RANBP2: variants seen among roughly 807,000 people sequenced by gnomAD.
RANBP2 encodes E3 SUMO-protein ligase RanBP2.
A neutral mutation model predicts 303.6 loss-of-function variants in RANBP2; 57 were observed. That is an observed-to-expected ratio of 0.19 (90% CI 0.15 to 0.23). RANBP2 has a LOEUF of 0.23. Among genes scored for constraint, RANBP2 ranks in the 10% least tolerant of loss-of-function variants. The pLI, the probability that RANBP2 is intolerant of heterozygous loss-of-function variation, is 1.00. For synonymous variants in RANBP2, 1,167 were observed against 1,301.5 expected (o/e 0.90, Z 2.23); for missense variants, 3,138 against 3,780.8 (o/e 0.83, Z 4.46).
At chr2:109,708,486 C>T in the RANBP2 span, among the ~76,000 whole-genome samples, 2 of 151,952 alleles carry the variant, frequency 1.3e-5, no homozygotes, top group Non-Finnish European at 2.9e-5. Context: ...GGCGAAACCC[C>T]ATCTCTACAA....
the RANBP2 span, among the ~76,000 whole-genome samples, chr2:109,144,309 T>A: frequency 1.3e-5 from 2 of 152,228 alleles, no homozygotes; most frequent in Non-Finnish European, 2.9e-5. Flanking sequence ...TTTTTATTTG[T>A]CTGTTATACC....
the RANBP2 span, among the ~76,000 whole-genome samples, chr2:109,676,979 T>C: frequency 6.6e-6 from 1 of 152,164 alleles, no homozygotes; most frequent in Non-Finnish European, 1.5e-5. Context: ...GAAGCTGGAA[T>C]GTCATGTCTG....
chr2:108,917,777 CA>C, the RANBP2 span, among the ~76,000 whole-genome samples: 3 of 152,082 alleles, frequency 2.0e-5, no homozygotes, highest in Non-Finnish European at 4.4e-5. Flanking sequence ...ATATAACCCA[CA>C]AGAACAGGTG....
chr2:109,291,899 C>T, the RANBP2 span, among the ~76,000 whole-genome samples: 4 of 152,242 alleles, frequency 2.6e-5, no homozygotes, highest in Non-Finnish European at 5.9e-5. Flanking sequence ...GAGTCTCGCT[C>T]TGTTGCCAGG....
the RANBP2 span, among the ~76,000 whole-genome samples, chr2:109,173,225 A>C: frequency 6.6e-6 from 1 of 152,314 alleles, no homozygotes; most frequent in East Asian, 1.9e-4. Context: ...TTCTGTAATT[A>C]TCAAGTTGAA....
chr2:108,794,653 C>T, the RANBP2 span: 34 of 1,613,858 alleles, frequency 2.1e-5, no homozygotes, highest in Middle Eastern at 1.6e-4. Context: ...ATCAGACAAG[C>T]GGAGTTTACT....
Position 108,733,359 on chromosome 2 carries a change from G to A in RANBP2, c.405+1885G>A, listed in dbSNP as rs981530978. 4.3e-5 allele frequency among the ~76,000 whole-genome samples: 6 copies of A among 140,988 alleles called. 1 individual carries two copies. Among genetic ancestry groups the A allele is most frequent in the Non-Finnish European group, 7.6e-5 (5 of 66,016 alleles). The allele number at this position is 140,988 out of a possible 152,430, so 92.5% of individuals were successfully genotyped here. ...CGGCTCACTGCAACTTCTGCCTCCC[G>A]GGTTCTCAGGTGATCCACCCACTTC... On this transcript the variant is annotated intron_variant, in intron 4 of 28. Coordinates refer to ENST00000283195, the MANE Select transcript of RANBP2 (RefSeq NM_006267.5).
chr2:109,500,482 A>C, the RANBP2 span, among the ~76,000 whole-genome samples: 1 of 152,148 alleles, frequency 6.6e-6, no homozygotes, highest in South Asian at 2.1e-4. Context: ...ACTACAGCAT[A>C]TTGGTCTGAA....
At chr2:109,422,555 G>A in the RANBP2 span, among the ~76,000 whole-genome samples, 4 of 152,200 alleles carry the variant, frequency 2.6e-5, no homozygotes, top group African/African-American at 9.6e-5. Context: ...GGAGGCGACT[G>A]TGAGTCTGCA....
chr2:108,807,174 T>C, the RANBP2 span, among the ~76,000 whole-genome samples: 4 of 152,144 alleles, frequency 2.6e-5, no homozygotes, highest in African/African-American at 9.7e-5. Context: ...GATCCAGATA[T>C]TGGAATTTAA....
the RANBP2 span, chr2:108,846,709 T>C: frequency 6.4e-7 from 1 of 1,561,910 alleles, no homozygotes; most frequent in African/African-American, 1.4e-5. Context: ...CATGAATAAA[T>C]ATACTAAGAT....
the RANBP2 span, among the ~76,000 whole-genome samples, chr2:109,710,373 T>G: frequency 1.2e-5 from 1 of 83,410 alleles, no homozygotes; most frequent in Non-Finnish European, 2.5e-5. Context: ...CAGAGCGAGA[T>G]TCTATCTCAA....
At chr2:109,255,130 G>A in the RANBP2 span, among the ~76,000 whole-genome samples, 2 of 152,190 alleles carry the variant, frequency 1.3e-5, no homozygotes, top group Admixed American at 1.3e-4. Flanking sequence ...GTTTGTGTGT[G>A]TGTGTCTGTG....
the RANBP2 span, among the ~76,000 whole-genome samples, chr2:108,796,999 T>C: frequency 6.6e-6 from 1 of 152,168 alleles, no homozygotes; most frequent in African/African-American, 2.4e-5. Context: ...AAAGAATAAA[T>C]GTTTGAGGTA....
the RANBP2 span, among the ~76,000 whole-genome samples, chr2:109,063,838 CA>C: frequency 6.6e-6 from 1 of 151,648 alleles, no homozygotes; most frequent in Non-Finnish European, 1.5e-5. Flanking sequence ...GTGTCTTCTG[CA>C]AAGAGATTTT....
chr2:108,942,717 C>T, the RANBP2 span, among the ~76,000 whole-genome samples: 138 of 152,382 alleles, frequency 9.1e-4, no homozygotes, highest in Non-Finnish European at 1.6e-3. Context: ...CCTTTTACCA[C>T]GAAGCCAGCT....
chr2:109,108,141 G>A, the RANBP2 span, among the ~76,000 whole-genome samples: 7 of 152,162 alleles, frequency 4.6e-5, no homozygotes, highest in East Asian at 1.9e-4. Flanking sequence ...TCCTGCCCTC[G>A]GGATCCGCCC....
chr2:109,277,668 C>G, the RANBP2 span, among the ~76,000 whole-genome samples: 1 of 152,304 alleles, frequency 6.6e-6, no homozygotes, highest in East Asian at 1.9e-4. Context: ...GATGTCCTCT[C>G]CCACTCAGGG....
At chr2:109,053,883 G>T in the RANBP2 span, among the ~76,000 whole-genome samples, 2 of 150,742 alleles carry the variant, frequency 1.3e-5, no homozygotes, top group Non-Finnish European at 2.9e-5. Context: ...GCCTGGCACC[G>T]GCTCACAGGC....
Sources: allele counts gnomAD v4.1 joint callset (sites outside exome capture counted in the v4.1 genomes callset), GRCh38; gene constraint gnomAD v4.1.1; transcripts MANE v1.5; gene names NCBI Gene and HGNC (gene_info 2026-07-23, HGNC 2026-07-21).